Variants in ADD3 observed in about 807,000 individuals in gnomAD.
The protein encoded by ADD3 is gamma-adducin.
ADD3 carries 25 observed loss-of-function variants against 80.2 expected under a neutral mutation model. The observed-to-expected ratio is 0.31, with a 90% CI of 0.23 to 0.44. The LOEUF (loss-of-function observed/expected upper bound fraction) is 0.44, where lower values mean the gene tolerates loss of function less well. ADD3 is among the 20% of genes least tolerant of loss of function. The pLI, the probability that ADD3 is intolerant of heterozygous loss-of-function variation, is 1.00. For missense variants in ADD3, 829 were observed against 847.5 expected, an observed-to-expected ratio of 0.98 and a Z score of 0.27; for synonymous variants, 284 against 289.6, an observed-to-expected ratio of 0.98 and a Z score of 0.20.
chr10:110,051,880 G>A (rs1381174248), intron 1 of ADD3, among the ~76,000 whole-genome samples: 7 of 152,174 alleles, frequency 4.6e-5, no homozygotes, highest in Non-Finnish European at 1.0e-4. Flanking sequence ...ATGGCTCACT[G>A]CAGCCTCAAC....
chr10:110,031,081 GCTGA>G (rs931232627), intron 1 of ADD3, among the ~76,000 whole-genome samples: 3 of 152,198 alleles, frequency 2.0e-5, no homozygotes, highest in African/African-American at 7.2e-5. Context: ...TTCGAGACCA[GCTGA>G]CTAACATGAG....
At chr10:110,106,787 T>G (rs1393564495) in intron 2 of ADD3, among the ~76,000 whole-genome samples, 3 of 152,128 alleles carry the variant, frequency 2.0e-5, no homozygotes, top group African/African-American at 7.2e-5. Flanking sequence ...GGGGGCAAAT[T>G]AAGTTTTCAA....
chr10:110,130,286 G>A (rs1852787168), intron 12 of ADD3, 77 bp from the exon 13 acceptor site: 2 of 1,415,452 alleles, frequency 1.4e-6, no homozygotes, highest in Non-Finnish European at 2.0e-6. Context: ...GCATTTATGT[G>A]TATATAGATG....
At chr10:110,063,919 ATTCTAAATTCAAAGT>A (rs1370793693) in intron 1 of ADD3, among the ~76,000 whole-genome samples, 12 of 151,290 alleles carry the variant, frequency 7.9e-5, no homozygotes, top group Non-Finnish European at 1.6e-4. Context: ...AACATACCAT[ATTCTAAATTCAAAGT>A]TTAGTTTTGA....
At chr10:110,066,640 T>G (rs1006432013) in intron 1 of ADD3, among the ~76,000 whole-genome samples, 1 of 152,160 alleles carries the variant, frequency 6.6e-6, no homozygotes, top group Non-Finnish European at 1.5e-5. Context: ...GGGTTTTTTT[T>G]GTGGGGTTCT....
At chr10:110,115,389 CA>C (rs140714930) in intron 3 of ADD3, among the ~76,000 whole-genome samples, 7 of 148,470 alleles carry the variant, frequency 4.7e-5, no homozygotes, top group East Asian at 3.9e-4. Flanking sequence ...AACTCCGTCT[CA>C]AAAAAAAACA....
chr10:110,069,411 C>T (rs1244783756), intron 1 of ADD3, among the ~76,000 whole-genome samples: 21 of 152,206 alleles, frequency 1.4e-4, no homozygotes, highest in Admixed American at 1.3e-3. Flanking sequence ...TCCCTTTCAG[C>T]TTTAAATGTA....
intron 1 of ADD3, among the ~76,000 whole-genome samples, chr10:110,012,024 G>A (rs1331911707): frequency 6.6e-6 from 1 of 152,170 alleles, no homozygotes. Context: ...GAAAAAGTGT[G>A]TTATCCCTTA....
chr10:110,131,611 CT>C (rs1853007666), intron 13 of ADD3, among the ~76,000 whole-genome samples: 1 of 152,068 alleles, frequency 6.6e-6, no homozygotes, highest in Non-Finnish European at 1.5e-5. Context: ...TTTTTTGTGC[CT>C]TTGTCACAAA....
At position 110,133,495 on chromosome 10, in the gene ADD3, G is replaced by A; in HGVS notation, c.1998G>A (p.Glu666=). The A allele has an allele frequency of 6.2e-7, 1 of 1,613,730 alleles. No individual in the cohort carries two copies. The highest frequency in any genetic ancestry group is 8.5e-7 in the Non-Finnish European group (1 of 1,179,814). The change falls in exon 15 of 15, where the codon GAG becomes GAA. Residue 666 remains glutamate, a synonymous_variant. Transcript: ENST00000356080. ...TCGAGATTACTATTAAGTCTCCAGA[G>A]AAAATCGAAGAAGTCCTGTCACCTG... ...ENIEITIKSP[E]KIEEVLSPEG... is the part of the protein sequence containing the mutation.
At chr10:110,003,304 T>G (rs12247634), upstream of ADD3, among the ~76,000 whole-genome samples, 12 of 91,332 alleles carry the variant, frequency 1.3e-4, no homozygotes, top group East Asian at 5.2e-4. Context: ...ACAGTAAGGG[T>G]GTGTGTGTGT....
At chr10:110,088,812 C>T (rs575514269) in intron 1 of ADD3, among the ~76,000 whole-genome samples, 29 of 151,998 alleles carry the variant, frequency 1.9e-4, no homozygotes, top group Non-Finnish European at 1.3e-4. Flanking sequence ...TTTTTTTGTG[C>T]CTTTCCATCC....
intron 2 of ADD3, among the ~76,000 whole-genome samples, chr10:110,102,970 G>C (rs1848995322): frequency 6.6e-6 from 1 of 152,184 alleles, no homozygotes; most frequent in South Asian, 2.1e-4. Context: ...AACGCATAGT[G>C]TATCATTTCC....
At chr10:110,026,220 A>G (rs555977968) in intron 1 of ADD3, among the ~76,000 whole-genome samples, 1 of 152,076 alleles carries the variant, frequency 6.6e-6, no homozygotes, top group South Asian at 2.1e-4. Context: ...CTCCAATGAA[A>G]AGGAATAGTT....
intron 1 of ADD3, among the ~76,000 whole-genome samples, chr10:110,033,418 C>T (rs117148205): frequency 6.6e-5 from 10 of 152,272 alleles, no homozygotes; most frequent in Non-Finnish European, 1.5e-4. Flanking sequence ...ATGTTCATGT[C>T]GCCATACAAT....
chr10:110,080,587 A>T (rs928544136), intron 1 of ADD3, among the ~76,000 whole-genome samples: 13 of 152,230 alleles, frequency 8.5e-5, no homozygotes, highest in Admixed American at 5.2e-4. Context: ...CCAGAATTAA[A>T]AGCAAATCCT....
At chr10:110,019,741 TCTGAAGAAG>T (rs1853446333) in intron 1 of ADD3, among the ~76,000 whole-genome samples, 2 of 152,194 alleles carry the variant, frequency 1.3e-5, no homozygotes, top group Admixed American at 1.3e-4. Context: ...TGATTATGCT[TCTGAAGAAG>T]CTGAATTCAC....
intron 1 of ADD3, among the ~76,000 whole-genome samples, chr10:110,064,036 A>AT (rs944043293): frequency 4.0e-5 from 6 of 151,244 alleles, no homozygotes; most frequent in African/African-American, 4.9e-5. Context: ...TTTGCCCAGC[A>AT]TTTTTTTTCC....
chr10:110,044,096 G>A (rs912153505), intron 1 of ADD3, among the ~76,000 whole-genome samples: 1 of 152,116 alleles, frequency 6.6e-6, no homozygotes, highest in Non-Finnish European at 1.5e-5. Flanking sequence ...CCAGCTACTC[G>A]GGAGGCTGAG....
Sources: gnomAD v4.1 joint callset for allele counts (sites outside exome capture counted in the v4.1 genomes callset) on GRCh38, gnomAD v4.1.1 for gene constraint, MANE v1.5 for transcripts, NCBI Gene and HGNC (gene_info 2026-07-23, HGNC 2026-07-21) for gene names.